Variants in DNAH3 observed in about 807,000 individuals in gnomAD.
The protein encoded by DNAH3 is axonemal beta dynein heavy chain 3.
A neutral mutation model predicts 432.5 loss-of-function variants in DNAH3; 332 were observed. The ratio of observed to expected loss-of-function variants is 0.77; its 90% confidence interval spans 0.70 to 0.84. The LOEUF is 0.84. DNAH3 is among the 40% of genes least tolerant of loss of function. DNAH3 has a pLI of 0.00. For synonymous variants in DNAH3, 1,956 were observed against 1,900.2 expected (o/e 1.03, Z -0.76); for missense variants, 4,861 against 5,114.0 (o/e 0.95, Z 1.51).
intron 27 of DNAH3, among the ~76,000 whole-genome samples, chr16:21,056,844 G>A (rs2090154151): frequency 1.3e-5 from 2 of 152,114 alleles, no homozygotes; most frequent in South Asian, 2.1e-4. Flanking sequence ...AAAGTCAGAG[G>A]ATTTTAGTTT....
chr16:20,964,402 A>C, exon 53 of DNAH3: 1 of 1,614,116 alleles, frequency 6.2e-7, no homozygotes, highest in Non-Finnish European at 8.5e-7. Flanking sequence ...ATATTCAATG[A>C]TGTTTTCACC....
At chr16:21,060,293 T>A in exon 26 of DNAH3, 1 of 1,614,066 alleles carries the variant, frequency 6.2e-7, no homozygotes, top group Non-Finnish European at 8.5e-7. Flanking sequence ...CCAAGTCCAA[T>A]GACTTCTCGC....
At chr16:21,017,179 T>C (rs1183729167) in intron 41 of DNAH3, among the ~76,000 whole-genome samples, 1 of 152,210 alleles carries the variant, frequency 6.6e-6, no homozygotes, top group Non-Finnish European at 1.5e-5. Context: ...TGCATTTTAC[T>C]ATGACAATAA....
rs1284420071 is a variant in DNAH3 at position 21,104,610 on chromosome 16, T to C, written c.2285-58A>G. ...ATGTCCTCATCTGCAAAACACATAC[T>C]GCCTGCTCCAGGACACTGTTTAGCA... On this transcript the variant is annotated intron_variant, in intron 15 of 61. Coordinates refer to ENST00000261383, the Ensembl canonical transcript of DNAH3. 3 of 1,433,980 alleles carry C rather than the reference T, an allele frequency of 2.1e-6. No homozygotes were observed. Among genetic ancestry groups the C allele is most frequent in the Non-Finnish European group, 9.8e-7 (1 of 1,016,014 alleles). The allele number at this position is 1,433,980 out of a possible 1,614,324, so 88.8% of individuals were successfully genotyped here.
At chr16:21,149,321 AT>A (rs2092825079) in intron 1 of DNAH3, among the ~76,000 whole-genome samples, 1 of 152,182 alleles carries the variant, frequency 6.6e-6, no homozygotes, top group African/African-American at 2.4e-5. Context: ...TTCAGAGCAT[AT>A]TGGCTTAGTT....
chr16:21,101,932 C>T (rs112748487), intron 16 of DNAH3, among the ~76,000 whole-genome samples: 87 of 152,304 alleles, frequency 5.7e-4, no homozygotes, highest in African/African-American at 2.0e-3. Flanking sequence ...GGGGTAGGAA[C>T]AGCAAATGGA....
intron 57 of DNAH3, among the ~76,000 whole-genome samples, chr16:20,945,594 A>G (rs381781): frequency 0.23 from 34,679 of 151,774 alleles, 5,053 homozygotes; most frequent in African/African-American, 0.41. Flanking sequence ...GGATTCAAGC[A>G]ATTCTACTGC....
At chr16:21,148,414 G>T (rs2092812805) in intron 1 of DNAH3, among the ~76,000 whole-genome samples, 2 of 151,476 alleles carry the variant, frequency 1.3e-5, no homozygotes, top group Admixed American at 1.3e-4. Context: ...CTAAGTCAGT[G>T]ACTTATTTAT....
chr16:20,982,989 G>C (rs2085984295), intron 48 of DNAH3, 103 bp from the exon 49 acceptor site: 3 of 1,298,404 alleles, frequency 2.3e-6, no homozygotes, highest in Admixed American at 1.8e-5. Flanking sequence ...GTGGGGGCAG[G>C]CTTCCTCCTG....
In DNAH3 at chr16:21,067,772, G is replaced by GGGGGGGAGGGAGGGA. The variant is rs1555545837; in HGVS notation, c.3382-354_3382-353insTCCCTCCCTCCCCCC. ...AAGCCAGTCTTGGGGGGGGGGGTGG[G>GGGGGGGAGGGAGGGA]GAGGGAGAGAGAGAGAGAGAGAGAG... On this transcript the variant is annotated intron_variant, in intron 23 of 61. Transcript: ENST00000261383. Among the ~76,000 whole-genome samples the GGGGGGGAGGGAGGGA allele has an allele frequency of 4.3e-3, 101 of 23,674 alleles. 2 individuals carry two copies. The highest frequency in any genetic ancestry group is 6.1e-3 in the Non-Finnish European group (85 of 13,988). The allele number at this position is 23,674 out of a possible 152,430, so 15.5% of individuals were successfully genotyped here.
intron 5 of DNAH3, among the ~76,000 whole-genome samples, chr16:21,137,113 G>A (rs1036940963): frequency 2.0e-5 from 3 of 151,890 alleles, no homozygotes; most frequent in Non-Finnish European, 4.4e-5. Context: ...CAGCCTGGGT[G>A]ACCAATCGAG....
At chr16:21,064,099 C>A (rs1442343112) in intron 24 of DNAH3, among the ~76,000 whole-genome samples, 2 of 152,190 alleles carry the variant, frequency 1.3e-5, no homozygotes, top group Non-Finnish European at 2.9e-5. Flanking sequence ...CTTGAGCTGG[C>A]TCTGTGTCTT....
At chr16:21,027,881 C>T (rs1333807755) in intron 37 of DNAH3, among the ~76,000 whole-genome samples, 4 of 152,222 alleles carry the variant, frequency 2.6e-5, no homozygotes, top group Non-Finnish European at 5.9e-5. Context: ...AAGCCACATC[C>T]TATTTTTATT....
chr16:21,017,269 T>C (rs1156430549), intron 41 of DNAH3, among the ~76,000 whole-genome samples: 1 of 152,140 alleles, frequency 6.6e-6, no homozygotes. Context: ...AGACAGAGCC[T>C]CCCTGTGGTT....
At chr16:21,081,829 G>A (rs1167087805) in intron 19 of DNAH3, 102 bp from the exon 20 acceptor site, 2 of 853,430 alleles carry the variant, frequency 2.3e-6, no homozygotes, top group Non-Finnish European at 3.6e-6. Context: ...GCACTGCTCA[G>A]CATAACAGCC....
At chr16:20,974,579 GTTTTTTTTTT>G (rs752437227) in intron 51 of DNAH3, among the ~76,000 whole-genome samples, 2 of 81,830 alleles carry the variant, frequency 2.4e-5, no homozygotes, top group Non-Finnish European at 4.3e-5. Context: ...GTTTTATAGT[GTTTTTTTTTT>G]TTTTTTTTTT....
intron 14 of DNAH3, among the ~76,000 whole-genome samples, chr16:21,109,379 G>A (rs1029959368): frequency 6.6e-6 from 1 of 152,096 alleles, no homozygotes; most frequent in Non-Finnish European, 1.5e-5. Context: ...GCTGTTGTGA[G>A]TTCCTGATTA....
In DNAH3 at chr16:20,952,330, G is replaced by A. The variant is rs769129233; in HGVS notation, c.11188+103C>T. The A allele has an allele frequency of 3.3e-5, 23 of 704,246 alleles. 1 individual carries two copies. Among genetic ancestry groups the A allele is most frequent in the Non-Finnish European group, 5.2e-5 (20 of 381,846 alleles). 43.6% of individuals were successfully genotyped at this position (704,246 alleles called of 1,614,324 possible). A position where few individuals can be genotyped will look rare whatever the true frequency, so the allele number is the denominator to read the frequency against. ...AGTAAGAGCTCGATGTTTATGGTGA[G>A]GGAGGGAGGGAGTACATAAGTGAAT... On this transcript the variant is annotated intron_variant, in intron 56 of 61. Coordinates refer to ENST00000261383, the Ensembl canonical transcript of DNAH3.
intron 14 of DNAH3, among the ~76,000 whole-genome samples, chr16:21,108,557 A>C (rs1351159740): frequency 6.6e-6 from 1 of 152,070 alleles, no homozygotes; most frequent in Non-Finnish European, 1.5e-5. Flanking sequence ...CAGCCTGGGC[A>C]AATGGCAAAA....
Sources: allele counts gnomAD v4.1 joint callset (sites outside exome capture counted in the v4.1 genomes callset), GRCh38; gene constraint gnomAD v4.1.1; transcripts MANE v1.5; gene names NCBI Gene and HGNC (gene_info 2026-07-23, HGNC 2026-07-21).